Variants in RGS6 observed in about 807,000 individuals in gnomAD.
RGS6 encodes the protein regulator of G protein signaling 6, also known as regulator of G-protein signaling 6.
A neutral mutation model predicts 78.5 loss-of-function variants in RGS6; 30 were observed. The observed-to-expected ratio is 0.38, with a 90% confidence interval of 0.29 to 0.52. The LOEUF (loss-of-function observed/expected upper bound fraction) is 0.52, where lower values mean the gene tolerates loss of function less well. Ranked by LOEUF, RGS6 falls within the 20% of genes least tolerant of loss-of-function variation. RGS6 has a pLI of 0.85. For synonymous variants in RGS6, 206 were observed against 206.0 expected (o/e 1.00, Z 0.00); for missense variants, 495 against 609.7 (o/e 0.81, Z 1.98).
chr14:72,414,330 G>A lies in RGS6; in HGVS notation c.185-40198G>A, dbSNP rs1224230021. Among the ~76,000 whole-genome samples the A allele has an allele frequency of 2.0e-5, 3 of 152,112 alleles. No individual in the cohort carries two copies. The East Asian group carries it at 5.8e-4, about 29-fold the overall frequency. ...TTCATTCATTTCGTCTTTCATTGAT[G>A]ATATCCTTTCTTCCAGTTGATCACA... is the stretch of plus-strand genomic sequence containing the variant. On this transcript the variant is annotated intron_variant, in intron 3 of 17. Coordinates refer to ENST00000553525, the MANE Select transcript of RGS6 (RefSeq NM_001204424.2).
At chr14:72,480,392 G>C (rs962660743) in intron 12 of RGS6, among the ~76,000 whole-genome samples, 1 of 152,316 alleles carries the variant, frequency 6.6e-6, no homozygotes, top group East Asian at 1.9e-4. Context: ...CTTGCTGTCA[G>C]GGAGGGGCCC....
chr14:72,262,164 A>G lies in RGS6; in HGVS notation c.85-89931A>G, dbSNP rs2058284845. Among the ~76,000 whole-genome samples the G allele has an allele frequency of 2.0e-5, 3 of 152,340 alleles. No individual in the cohort carries two copies. In the South Asian group the frequency reaches 6.2e-4, roughly 32 times the overall value. ...CCTTTTGGAGAGCGGTGGAGAATAC[A>G]GGATTGAAGGTGACCCTCACAGCAT... On this transcript the variant is annotated intron_variant, in intron 2 of 17. Transcript: ENST00000553525.
At chr14:72,102,442 C>T (rs1286334215) in intron 2 of RGS6, among the ~76,000 whole-genome samples, 1 of 152,106 alleles carries the variant, frequency 6.6e-6, no homozygotes, top group East Asian at 1.9e-4. Flanking sequence ...GTTGACCAAG[C>T]TGGAGGGTTT....
intron 3 of RGS6, among the ~76,000 whole-genome samples, chr14:72,374,656 A>G (rs746623773): frequency 2.0e-5 from 3 of 152,254 alleles, no homozygotes; most frequent in Non-Finnish European, 4.4e-5. Context: ...CACTGGAAAC[A>G]TAAGAAAACA....
the RGS6 span, among the ~76,000 whole-genome samples, chr14:71,918,465 G>A: frequency 6.6e-6 from 1 of 152,054 alleles, no homozygotes; most frequent in Non-Finnish European, 1.5e-5. Flanking sequence ...TCTTAATTTT[G>A]TTTAGTTTTA....
chr14:72,192,230 A>G (rs552040808), intron 2 of RGS6, among the ~76,000 whole-genome samples: 1 of 152,254 alleles, frequency 6.6e-6, no homozygotes, highest in Non-Finnish European at 1.5e-5. Context: ...CCTGGTGGGG[A>G]GTGTGACACC....
the RGS6 span, among the ~76,000 whole-genome samples, chr14:72,601,402 C>A: frequency 6.6e-6 from 1 of 151,482 alleles, no homozygotes; most frequent in Admixed American, 6.6e-5. Flanking sequence ...GTGCCCCTGT[C>A]ACTTCCAGCA....
intron 2 of RGS6, among the ~76,000 whole-genome samples, chr14:72,002,901 A>G (rs761150543): frequency 2.0e-5 from 3 of 152,228 alleles, no homozygotes; most frequent in Non-Finnish European, 4.4e-5. Flanking sequence ...CACTCGTACT[A>G]CTGCAAAATC....
intron 2 of RGS6, among the ~76,000 whole-genome samples, chr14:72,174,561 C>T (rs2097078175): frequency 6.6e-6 from 1 of 152,182 alleles, no homozygotes; most frequent in Non-Finnish European, 1.5e-5. Context: ...ATGTAATTCA[C>T]CTCTTGAGGG....
chr14:72,449,205 T>C (rs2095435704), intron 3 of RGS6, among the ~76,000 whole-genome samples: 1 of 152,176 alleles, frequency 6.6e-6, no homozygotes, highest in Non-Finnish European at 1.5e-5. Context: ...TTCATACGGC[T>C]CCAGAAACAT....
intron 2 of RGS6, among the ~76,000 whole-genome samples, chr14:72,289,224 T>A (rs1021471214): frequency 1.4e-4 from 21 of 152,186 alleles, no homozygotes; most frequent in African/African-American, 4.3e-4. Flanking sequence ...AAGTGGTAGC[T>A]GAGGCCGTAT....
chr14:72,342,781 C>A (rs2077290439), intron 2 of RGS6, among the ~76,000 whole-genome samples: 1 of 144,572 alleles, frequency 6.9e-6, no homozygotes, highest in South Asian at 2.3e-4. Context: ...AGCCACCCAT[C>A]TAATTGGTCC....
At chr14:72,332,653 G>C (rs2075298270) in intron 2 of RGS6, among the ~76,000 whole-genome samples, 1 of 152,138 alleles carries the variant, frequency 6.6e-6, no homozygotes, top group South Asian at 2.1e-4. Flanking sequence ...CAAGCACCCA[G>C]CTCCTCACAG....
chr14:72,436,774 A>G (rs1239902846), intron 3 of RGS6, among the ~76,000 whole-genome samples: 4 of 152,288 alleles, frequency 2.6e-5, no homozygotes, highest in Non-Finnish European at 2.9e-5. Flanking sequence ...ATCAAAACCA[A>G]TGTCTGTAAG....
intron 2 of RGS6, among the ~76,000 whole-genome samples, chr14:72,183,922 T>C (rs909656411): frequency 2.6e-5 from 4 of 152,190 alleles, no homozygotes; most frequent in African/African-American, 9.6e-5. Context: ...GTAAATATTC[T>C]AGATGATTGA....
At chr14:72,001,348 T>C (rs550375243) in intron 2 of RGS6, among the ~76,000 whole-genome samples, 1 of 152,242 alleles carries the variant, frequency 6.6e-6, no homozygotes, top group South Asian at 2.1e-4. Context: ...CACTGGAGAA[T>C]TGCTATGCAA....
In RGS6 at chr14:72,087,322, G is replaced by C. The variant is rs969625626; in HGVS notation, c.84+122447G>C. On this transcript the variant is annotated intron_variant, in intron 2 of 17. Transcript: ENST00000553525. ...ATTTTTGTATTTTTAGTAGAGACAG[G>C]GTTTTGCCATATTGGCCAGGCTGGT... 7.4e-4 allele frequency among the ~76,000 whole-genome samples: 112 copies of C among 151,968 alleles called. 6 individuals are homozygous for C. The highest frequency in any genetic ancestry group is 2.9e-5 in the Non-Finnish European group (2 of 68,000).
chr14:72,239,422 C>T (rs1004126395), intron 2 of RGS6, among the ~76,000 whole-genome samples: 35 of 152,168 alleles, frequency 2.3e-4, no homozygotes, highest in Admixed American at 2.2e-3. Flanking sequence ...AACAGATGTG[C>T]CTCATCAGGA....
intron 2 of RGS6, among the ~76,000 whole-genome samples, chr14:72,006,786 T>C (rs1401603371): frequency 6.6e-6 from 1 of 152,210 alleles, no homozygotes; most frequent in Non-Finnish European, 1.5e-5. Context: ...CTAATCCACA[T>C]TGGTACTAGA....
Sources: gnomAD v4.1 joint callset for allele counts (sites outside exome capture counted in the v4.1 genomes callset) on GRCh38, gnomAD v4.1.1 for gene constraint, MANE v1.5 for transcripts, NCBI Gene and HGNC (gene_info 2026-07-23, HGNC 2026-07-21) for gene names.